TRNT1: variants seen among roughly 807,000 people sequenced by gnomAD.
TRNT1 encodes the protein tRNA nucleotidyl transferase 1, also known as CCA tRNA nucleotidyltransferase 1, mitochondrial.
A neutral mutation model predicts 45.6 loss-of-function variants in TRNT1; 44 were observed. That is an observed-to-expected ratio of 0.97 (90% CI 0.76 to 1.24). TRNT1 has a LOEUF of 1.24. Ranked by LOEUF, TRNT1 falls within the 50% of genes most tolerant of loss-of-function variation. TRNT1 has a pLI of 0.00. For synonymous variants in TRNT1, 201 were observed against 171.4 expected, an observed-to-expected ratio of 1.17 and a Z score of -1.35; for missense variants, 633 against 504.4, an observed-to-expected ratio of 1.25 and a Z score of -2.44.
At chr3:3,129,774 T>C in intron 2 of TRNT1, 2 of 1,192,216 alleles carry the variant, frequency 1.7e-6, no homozygotes, top group South Asian at 1.3e-5. Flanking sequence ...TTTGACCTGT[T>C]ACGTGAAAAA....
At chr3:3,146,822 A>C (rs1706060604) in intron 6 of TRNT1, among the ~76,000 whole-genome samples, 199 bp downstream of exon 6, 1 of 152,270 alleles carries the variant, frequency 6.6e-6, no homozygotes, top group African/African-American at 2.4e-5. Flanking sequence ...TGGTGCTTGT[A>C]GAGTAGTCTC....
At position 3,144,613 on chromosome 3, in the gene TRNT1, AATGGTT is replaced by A; in HGVS notation, c.515_520del (p.Gly172_Tyr173del). The A allele has an allele frequency of 6.3e-7, 1 of 1,586,198 alleles. No homozygotes were observed. The highest frequency in any genetic ancestry group is 2.3e-5 in the East Asian group (1 of 44,134). On this transcript the variant is annotated inframe_deletion, in exon 5 of 8. Transcript: ENST00000251607. Reference sequence around the variant, plus strand: ...TGATGGCACTTTATTTGACTACTTTAATGGTTATGAAGATTTAAAAAATAAGAAAGT... The same window carrying A: ...TGATGGCACTTTATTTGACTACTTTAATGAAGATTTAAAAAATAAGAAAGT...
intron 2 of TRNT1, among the ~76,000 whole-genome samples, chr3:3,133,235 C>G (rs1263325466): frequency 6.6e-6 from 1 of 152,066 alleles, no homozygotes. Context: ...TGCTTCAGTA[C>G]AATCATATGC....
intron 3 of TRNT1, among the ~76,000 whole-genome samples, chr3:3,139,022 T>C (rs11129443): frequency 0.21 from 31,682 of 152,088 alleles, 4,286 homozygotes; most frequent in East Asian, 0.72. Context: ...TGCCAGGGAA[T>C]GAACCTGATT....
downstream of TRNT1, chr3:3,152,940 G>A (rs1189848477): frequency 9.5e-6 from 3 of 315,344 alleles, no homozygotes; most frequent in Non-Finnish European, 1.8e-5. Context: ...GTCATTTTGG[G>A]GCAGTTGATT....
At chr3:3,138,659 T>G (rs926752393) in intron 3 of TRNT1, among the ~76,000 whole-genome samples, 1 of 152,234 alleles carries the variant, frequency 6.6e-6, no homozygotes, top group African/African-American at 2.4e-5. Flanking sequence ...TTACTTTCTA[T>G]GAGAGTGCCT....
chr3:3,152,386 G>C, downstream of TRNT1: 1 of 1,482,930 alleles, frequency 6.7e-7, no homozygotes, highest in Non-Finnish European at 9.3e-7. Flanking sequence ...ACTCTGCTTA[G>C]GACTCTGGAT....
At chr3:3,150,079 G>C (rs542168380), downstream of TRNT1, 1 of 152,150 alleles carries the variant, frequency 6.6e-6, no homozygotes, top group Admixed American at 6.6e-5. Context: ...AAATAATACA[G>C]TATCAAGTTT....
chr3:3,134,308 A>C (rs1488530831), intron 2 of TRNT1, among the ~76,000 whole-genome samples: 1 of 152,166 alleles, frequency 6.6e-6, no homozygotes, highest in Non-Finnish European at 1.5e-5. Flanking sequence ...CTTTTCTTAT[A>C]ATTTTTATGA....
chr3:3,147,325 C>T, intron 6 of TRNT1, 125 bp from the exon 7 acceptor site: 1 of 1,078,598 alleles, frequency 9.3e-7, no homozygotes, highest in South Asian at 1.6e-5. Flanking sequence ...GAACATCAGA[C>T]TGAACCTATA....
At chr3:3,128,598 CAAAAAAAAAAAAA>C (rs111647168) in intron 1 of TRNT1, among the ~76,000 whole-genome samples, 30,802 of 96,608 alleles carry the variant, frequency 0.32, 4,455 homozygotes, top group Middle Eastern at 0.48. Context: ...GACTCCATCT[CAAAAAAAAAAAAA>C]AAAAAAAAAA....
chr3:3,132,932 A>G (rs1705104925), intron 2 of TRNT1, among the ~76,000 whole-genome samples: 1 of 152,100 alleles, frequency 6.6e-6, no homozygotes, highest in Non-Finnish European at 1.5e-5. Flanking sequence ...AGTGGCAAGA[A>G]TGGAATCTTT....
At position 3,144,580 on chromosome 3, in the gene TRNT1, A is replaced by G. The variant is rs755138290; in HGVS notation, c.482-4A>G. ...ATTTTTCTCCCTCCTTTTCTAATGAATAGGTTTTGATGGCACTTTATTTGA... is the reference window on the plus strand; with the variant it reads ...ATTTTTCTCCCTCCTTTTCTAATGAGTAGGTTTTGATGGCACTTTATTTGA... On this transcript the variant is annotated splice_region_variant and splice_polypyrimidine_tract_variant and intron_variant, in intron 4 of 7. Transcript: ENST00000251607. The G allele has an allele frequency of 1.0e-5, 16 of 1,574,220 alleles. No homozygotes were observed. In the African/African-American group the frequency reaches 2.1e-4, roughly 20 times the overall value.
At chr3:3,134,990 A>T (rs1457889107) in intron 2 of TRNT1, among the ~76,000 whole-genome samples, 1 of 152,104 alleles carries the variant, frequency 6.6e-6, no homozygotes, top group Non-Finnish European at 1.5e-5. Context: ...GTTACCTCTT[A>T]GTGGGCCATG....
At chr3:3,127,633 A>G (rs567358442) in intron 1 of TRNT1, 3 of 152,522 alleles carry the variant, frequency 2.0e-5, no homozygotes, top group African/African-American at 4.8e-5. Flanking sequence ...ATGGGAAAAT[A>G]CAATGTCTAG....
chr3:3,133,427 T>G (rs1043838382), intron 2 of TRNT1, among the ~76,000 whole-genome samples: 7 of 152,038 alleles, frequency 4.6e-5, no homozygotes, highest in African/African-American at 1.7e-4. Flanking sequence ...GTTACAGTGA[T>G]GCACACCTGT....
chr3:3,128,138 C>T (rs1704719352), intron 1 of TRNT1: 1 of 152,148 alleles, frequency 6.6e-6, no homozygotes, highest in Non-Finnish European at 1.5e-5. Flanking sequence ...TTTACTTAAT[C>T]TAAATGGGTC....
chr3:3,152,880 T>G (rs1002068295), downstream of TRNT1: 21 of 432,538 alleles, frequency 4.9e-5, no homozygotes, highest in African/African-American at 3.8e-4. Context: ...AAAACTCAAA[T>G]GCTTCTAAAG....
chr3:3,144,342 C>G (rs1705846042), intron 4 of TRNT1, among the ~76,000 whole-genome samples: 1 of 152,090 alleles, frequency 6.6e-6, no homozygotes, highest in African/African-American at 2.4e-5. Flanking sequence ...TTGCATATTT[C>G]TTGTTTAGTT....
Sources: gnomAD v4.1 joint callset for allele counts (sites outside exome capture counted in the v4.1 genomes callset) on GRCh38, gnomAD v4.1.1 for gene constraint, MANE v1.5 for transcripts, NCBI Gene and HGNC (gene_info 2026-07-23, HGNC 2026-07-21) for gene names.